Variants in RXFP1 observed in about 807,000 individuals in gnomAD.
The protein encoded by RXFP1 is relaxin receptor 1.
Under a neutral mutation model 89.8 loss-of-function variants are expected in RXFP1, and 73 were observed. That is an observed-to-expected ratio of 0.81 (90% CI 0.67 to 0.99). The LOEUF (loss-of-function observed/expected upper bound fraction) is 0.99, where lower values mean the gene tolerates loss of function less well. Ranked by LOEUF, RXFP1 falls within the 50% of genes least tolerant of loss-of-function variation. The pLI is 0.00. For synonymous variants in RXFP1, 277 were observed against 305.5 expected, an observed-to-expected ratio of 0.91 and a Z score of 0.97; for missense variants, 793 against 895.5, an observed-to-expected ratio of 0.89 and a Z score of 1.46.
chr4:158,572,881 G>C (rs189269071), intron 2 of RXFP1, 46 bp downstream of exon 2: 27 of 1,596,282 alleles, frequency 1.7e-5, no homozygotes, highest in Non-Finnish European at 2.3e-5. Flanking sequence ...GAGCAGAAAG[G>C]ACTGAAGGTG....
At chr4:158,602,773 A>G (rs1761926117) in intron 4 of RXFP1, among the ~76,000 whole-genome samples, 1 of 151,270 alleles carries the variant, frequency 6.6e-6, no homozygotes, top group Admixed American at 6.6e-5. Context: ...TTTTTTTTTG[A>G]GACAGAGTCT....
chr4:158,560,929 G>C (rs1488748609), intron 1 of RXFP1, among the ~76,000 whole-genome samples: 1 of 152,162 alleles, frequency 6.6e-6, no homozygotes, highest in Non-Finnish European at 1.5e-5. Context: ...TTTAACGGAA[G>C]GGCAGCAAGA....
intron 9 of RXFP1, among the ~76,000 whole-genome samples, chr4:158,622,951 G>A (rs1371030100): frequency 6.6e-6 from 1 of 152,136 alleles, no homozygotes; most frequent in Non-Finnish European, 1.5e-5. Context: ...TATCGAAACA[G>A]GCTATATACC....
intron 9 of RXFP1, among the ~76,000 whole-genome samples, chr4:158,621,230 TGAGCCTGA>T (rs1765574039): frequency 6.6e-6 from 1 of 152,138 alleles, no homozygotes; most frequent in Non-Finnish European, 1.5e-5. Flanking sequence ...GAGGATAGCG[TGAGCCTGA>T]GAGATCAAGG....
chr4:158,608,131 A>T, intron 6 of RXFP1, 88 bp downstream of exon 6: 2 of 853,220 alleles, frequency 2.3e-6, no homozygotes, highest in Non-Finnish European at 3.8e-6. Context: ...CCTGTCCATG[A>T]CAGTACCAAG....
At chr4:158,643,076 G>A (rs149819341) in intron 14 of RXFP1, among the ~76,000 whole-genome samples, 2 of 152,238 alleles carry the variant, frequency 1.3e-5, no homozygotes, top group Non-Finnish European at 2.9e-5. Context: ...CTACCTGTTT[G>A]GCACCATGTT....
chr4:158,587,504 G>A (rs948643444), intron 2 of RXFP1, among the ~76,000 whole-genome samples: 3 of 152,114 alleles, frequency 2.0e-5, no homozygotes, highest in Non-Finnish European at 2.9e-5. Flanking sequence ...TGATGTAAGA[G>A]CCTCAATAAC....
At chr4:158,562,854 T>A (rs2149949698) in intron 1 of RXFP1, among the ~76,000 whole-genome samples, 1 of 152,246 alleles carries the variant, frequency 6.6e-6, no homozygotes, top group Non-Finnish European at 1.5e-5. Flanking sequence ...AGAGGCTGAT[T>A]TGTATGCATA....
intron 1 of RXFP1, among the ~76,000 whole-genome samples, chr4:158,568,016 C>T (rs748758347): frequency 3.9e-5 from 6 of 152,324 alleles, no homozygotes; most frequent in Non-Finnish European, 7.3e-5. Flanking sequence ...TAAAGCTTCA[C>T]TCCTGAAGCC....
chr4:158,551,135 TA>T (rs1483449511), intron 1 of RXFP1, among the ~76,000 whole-genome samples: 1 of 152,198 alleles, frequency 6.6e-6, no homozygotes, highest in Non-Finnish European at 1.5e-5. Flanking sequence ...TTCAGCCTTT[TA>T]AAGGAAAGAA....
At chr4:158,536,868 C>T (rs751803703) in intron 1 of RXFP1, among the ~76,000 whole-genome samples, 2 of 152,074 alleles carry the variant, frequency 1.3e-5, no homozygotes, top group African/African-American at 4.8e-5. Flanking sequence ...GCCAGGAAAT[C>T]ATATACACTT....
rs1385228844 is a variant in RXFP1, at chr4:158,617,218, G to A, written c.755+13G>A. On this transcript the variant is annotated intron_variant, in intron 9 of 17. Transcript: ENST00000307765. ...GACTACATTGGCTGTAAGCGATTCT[G>A]TCTTTTTTTAAAGAACTCAACTAAA... 1 of 1,581,428 alleles carries A rather than the reference G, an allele frequency of 6.3e-7. No homozygotes were observed. The highest frequency in any genetic ancestry group is 2.3e-5 in the East Asian group (1 of 43,672).
intron 2 of RXFP1, among the ~76,000 whole-genome samples, chr4:158,586,414 A>C (rs1485511886): frequency 1.3e-5 from 2 of 152,146 alleles, no homozygotes; most frequent in Non-Finnish European, 2.9e-5. Flanking sequence ...AACACTACCC[A>C]TATATACTGG....
chr4:158,541,014 A>G (rs1026191073), intron 1 of RXFP1, among the ~76,000 whole-genome samples: 1 of 152,198 alleles, frequency 6.6e-6, no homozygotes, highest in Non-Finnish European at 1.5e-5. Context: ...CAATCCTAAA[A>G]AAAAGAAGCA....
chr4:158,648,366 C>A, intron 16 of RXFP1, 133 bp from the exon 17 acceptor site: 1 of 551,958 alleles, frequency 1.8e-6, no homozygotes, highest in Non-Finnish European at 2.9e-6. Flanking sequence ...AAGAAAAAAC[C>A]CACACATTAT....
chr4:158,597,258 T>G (rs1760806861), intron 3 of RXFP1, among the ~76,000 whole-genome samples: 1 of 152,120 alleles, frequency 6.6e-6, no homozygotes, highest in Non-Finnish European at 1.5e-5. Flanking sequence ...ATGTGAGGAA[T>G]TCACATTATT....
intron 1 of RXFP1, chr4:158,543,777 G>C (rs1747456023): frequency 1.0e-6 from 1 of 985,072 alleles, no homozygotes; most frequent in Non-Finnish European, 1.2e-6. Flanking sequence ...CTCCCACCTA[G>C]AATCAAATAG....
chr4:158,644,223 T>C (rs1323543236), intron 14 of RXFP1, among the ~76,000 whole-genome samples: 1 of 151,908 alleles, frequency 6.6e-6, no homozygotes. Flanking sequence ...ATTTTTTGTA[T>C]TTTTAGTAGA....
chr4:158,599,178 T>A, intron 3 of RXFP1, 148 bp from the exon 4 acceptor site: 1 of 1,299,446 alleles, frequency 7.7e-7, no homozygotes, highest in Non-Finnish European at 1.0e-6. Flanking sequence ...GAGCCTTAAT[T>A]TAAAGCATTG....
Sources: gnomAD v4.1 joint callset for allele counts (sites outside exome capture counted in the v4.1 genomes callset) on GRCh38, gnomAD v4.1.1 for gene constraint, MANE v1.5 for transcripts, NCBI Gene and HGNC (gene_info 2026-07-23, HGNC 2026-07-21) for gene names.